The following SLIT2 variants were observed in gnomAD, a reference collection of about 807,000 sequenced individuals.
SLIT2 encodes slit guidance ligand 2, also known as slit homolog 2 protein.
In SLIT2, 41 loss-of-function variants were observed where a neutral mutation model predicts 185.7. That is an observed-to-expected ratio of 0.22 (90% CI 0.17 to 0.29). The LOEUF (loss-of-function observed/expected upper bound fraction) is 0.29, where lower values mean the gene tolerates loss of function less well. SLIT2 is among the 10% of genes least tolerant of loss of function. SLIT2 has a pLI of 1.00. For synonymous variants in SLIT2, 693 were observed against 680.2 expected (o/e 1.02, Z -0.29); for missense variants, 1,571 against 1,909.0 (o/e 0.82, Z 3.30).
intron 4 of SLIT2, among the ~76,000 whole-genome samples, chr4:20,293,049 C>T (rs1268717335): frequency 2.0e-5 from 3 of 152,020 alleles, no homozygotes; most frequent in African/African-American, 7.2e-5. Context: ...AAAAAAAAGT[C>T]TGTATAGAAA....
At position 20,472,591 on chromosome 4, in the gene SLIT2, T is replaced by TATATCTAG. The variant is rs1560455431; in HGVS notation, c.467+4772_467+4773insCTAGATAT. 6.7e-4 allele frequency among the ~76,000 whole-genome samples: 10 copies of TATATCTAG among 14,982 alleles called. 3 individuals are homozygous for TATATCTAG. The highest frequency in any genetic ancestry group is 9.0e-4 in the African/African-American group (2 of 2,230). 9.8% of individuals were successfully genotyped at this position (14,982 alleles called of 152,430 possible). ...ATATATAGATATATCTATATATAGA[T>TATATCTAG]ATATATCTATAGATATATCTATATA... On this transcript the variant is annotated intron_variant, in intron 5 of 36. Coordinates refer to ENST00000504154, the MANE Select transcript of SLIT2 (RefSeq NM_004787.4).
chr4:20,595,642 G>T lies in SLIT2; in HGVS notation c.3183-55G>T. 3 of 1,602,634 alleles carry T rather than the reference G, an allele frequency of 1.9e-6. No homozygotes were observed. In the South Asian group the frequency reaches 3.3e-5, roughly 18 times the overall value. ...CCATTGTGTCTAGATAAAATGCATT[G>T]TTTACTTATTTTGGCTCAGTTGGGT... On this transcript the variant is annotated intron_variant, in intron 30 of 36. Coordinates refer to ENST00000504154, the MANE Select transcript of SLIT2 (RefSeq NM_004787.4).
intron 29 of SLIT2, among the ~76,000 whole-genome samples, chr4:20,572,977 A>C (rs1416475978): frequency 2.0e-5 from 3 of 152,188 alleles, no homozygotes; most frequent in African/African-American, 7.2e-5. Flanking sequence ...TCCATCTTAA[A>C]CAGTAAAACT....
chr4:20,538,635 A>G lies in SLIT2; in HGVS notation c.1833-806A>G, dbSNP rs565080753. Among the ~76,000 whole-genome samples, 110 of 152,252 alleles carry G rather than the reference A, an allele frequency of 7.2e-4. 1 individual carries two copies. The highest frequency in any genetic ancestry group is 2.3e-3 in the African/African-American group (97 of 41,540). On this transcript the variant is annotated intron_variant, in intron 18 of 36. Coordinates refer to ENST00000504154, the MANE Select transcript of SLIT2 (RefSeq NM_004787.4). Reference sequence around the variant, plus strand: ...ATTTATGGCAACTATTCATATACTCATAACTATTTTCACATGGGACTTTGA... The same window carrying G: ...ATTTATGGCAACTATTCATATACTCGTAACTATTTTCACATGGGACTTTGA...
chr4:20,269,793 T>C (rs1254204744), intron 4 of SLIT2, among the ~76,000 whole-genome samples: 1 of 151,914 alleles, frequency 6.6e-6, no homozygotes, highest in Non-Finnish European at 1.5e-5. Context: ...AACTTGTCTT[T>C]GTAGCCTACT....
At chr4:20,309,758 C>CTTTTTTTT (rs1553876753) in intron 4 of SLIT2, among the ~76,000 whole-genome samples, 1 of 27,954 alleles carries the variant, frequency 3.6e-5, no homozygotes, top group Non-Finnish European at 6.2e-5. Flanking sequence ...GTCTTTCTTT[C>CTTTTTTTT]TTTTTTTTTT....
At position 20,598,248 on chromosome 4, in the gene SLIT2, G is replaced by GGGTTAC; in HGVS notation, c.3562-16_3562-11dup. The GGGTTAC allele has an allele frequency of 1.2e-6, 2 of 1,613,206 alleles. No individual in the cohort carries two copies. Among genetic ancestry groups the GGGTTAC allele is most frequent in the Non-Finnish European group, 8.5e-7 (1 of 1,179,432 alleles). On this transcript the variant is annotated splice_polypyrimidine_tract_variant and intron_variant, in intron 32 of 36. Transcript: ENST00000504154. ...TTGCGTACACATCCTAGTAATGCCA[G>GGGTTAC]GGTTACTTTCTACTAGATTGCCACA...
At chr4:20,379,509 T>C (rs1724319482) in intron 4 of SLIT2, among the ~76,000 whole-genome samples, 1 of 152,148 alleles carries the variant, frequency 6.6e-6, no homozygotes, top group Non-Finnish European at 1.5e-5. Context: ...TCAATTTCTT[T>C]GGTAGCAATT....
intron 4 of SLIT2, among the ~76,000 whole-genome samples, chr4:20,273,309 T>C (rs1361927163): frequency 6.6e-6 from 1 of 152,118 alleles, no homozygotes; most frequent in Non-Finnish European, 1.5e-5. Context: ...ACTACGCAGA[T>C]ATAGCCATTA....
At position 20,269,473 on chromosome 4, in the gene SLIT2, A is replaced by G. The variant is rs188621619; in HGVS notation, c.395+592A>G. On this transcript the variant is annotated intron_variant, in intron 4 of 36. Transcript: ENST00000504154. ...GGAAGTAATTCCTTAAAGGAGCATAATGTGAGTATTAGGGGGAATCACTTT... is the reference window on the plus strand; with the variant it reads ...GGAAGTAATTCCTTAAAGGAGCATAGTGTGAGTATTAGGGGGAATCACTTT... Among the ~76,000 whole-genome samples the G allele has an allele frequency of 1.6e-4, 24 of 152,034 alleles. No homozygotes were observed. In the East Asian group the frequency reaches 4.1e-3, roughly 26 times the overall value.
chr4:20,304,045 C>T (rs988739077), intron 4 of SLIT2, among the ~76,000 whole-genome samples: 5 of 151,992 alleles, frequency 3.3e-5, no homozygotes, highest in Admixed American at 6.6e-5. Flanking sequence ...ACATAATTAC[C>T]ATTTTGAGGG....
At chr4:20,409,170 G>T (rs556556595) in intron 4 of SLIT2, among the ~76,000 whole-genome samples, 1 of 152,080 alleles carries the variant, frequency 6.6e-6, no homozygotes, top group African/African-American at 2.4e-5. Flanking sequence ...CCATCATCTA[G>T]ATATTAAGCC....
chr4:20,321,015 A>G (rs1021211468), intron 4 of SLIT2, among the ~76,000 whole-genome samples: 1 of 152,076 alleles, frequency 6.6e-6, no homozygotes. Flanking sequence ...AATTAGCCAG[A>G]TGTGGTGGTG....
intron 25 of SLIT2, 131 bp downstream of exon 25, chr4:20,551,029 G>A (rs933864116): frequency 3.9e-6 from 2 of 517,910 alleles, no homozygotes; most frequent in African/African-American, 3.9e-5. Flanking sequence ...AAGAAAATGT[G>A]AAGATTTTCA....
intron 26 of SLIT2, among the ~76,000 whole-genome samples, chr4:20,555,060 C>A (rs1000669237): frequency 1.3e-5 from 2 of 151,662 alleles, no homozygotes; most frequent in African/African-American, 4.9e-5. Context: ...TGAGCCACCA[C>A]GCCTGGCCAG....
At position 20,598,359 on chromosome 4, in the gene SLIT2, A is replaced by G. The variant is rs1165889443; in HGVS notation, c.3656A>G (p.Tyr1219Cys). The G allele has an allele frequency of 4.3e-6, 7 of 1,614,002 alleles. No homozygotes were observed. Among genetic ancestry groups the G allele is most frequent in the Non-Finnish European group, 4.2e-6 (5 of 1,180,006 alleles). ...TATCGGGGGCGTGTTCGTGCCAGCT[A>G]TGACACCGGCTCTCATCCAGCTTCT... Reference protein sequence around the residue: ...ELYRGRVRASYDTGSHPASAI... With the variant: ...ELYRGRVRASCDTGSHPASAI... Residue 1219 changes from tyrosine (Y) to cysteine (C), a missense_variant, in exon 33 of 37, where the codon TAT becomes TGT. This residue lies in a region of SLIT2 where 146 missense variants were observed against 247.4 expected (regional missense o/e 0.59). Coordinates refer to ENST00000504154, the MANE Select transcript of SLIT2 (RefSeq NM_004787.4).
intron 4 of SLIT2, among the ~76,000 whole-genome samples, chr4:20,428,163 A>G (rs989927399): frequency 3.3e-5 from 5 of 152,230 alleles, no homozygotes; most frequent in African/African-American, 1.2e-4. Flanking sequence ...TTCAAATTTT[A>G]GTATGTGTTT....
rs1352810836 is a variant in SLIT2, at chr4:20,451,922, T to C, written c.396-15830T>C. ...ATTATTAAAAGAGATTCAGTGTAAG[T>C]ATGATGAGTTAAAATACCCATTGAC... On this transcript the variant is annotated intron_variant, in intron 4 of 36. Coordinates refer to ENST00000504154, the MANE Select transcript of SLIT2 (RefSeq NM_004787.4). Among the ~76,000 whole-genome samples, 3 of 152,184 alleles carry C rather than the reference T, an allele frequency of 2.0e-5. 1 individual carries two copies. In the East Asian group the frequency reaches 5.8e-4, roughly 29 times the overall value.
chr4:20,594,281 G>A (rs1727789987), intron 30 of SLIT2, among the ~76,000 whole-genome samples: 1 of 150,342 alleles, frequency 6.7e-6, no homozygotes. Context: ...ATGTGTGTAT[G>A]TATATGTGTG....
Sources: gnomAD v4.1 joint callset for allele counts (sites outside exome capture counted in the v4.1 genomes callset) on GRCh38, gnomAD v4.1.1 for gene constraint, gnomAD v4.1.1 regional missense constraint, MANE v1.5 for transcripts, NCBI Gene and HGNC (gene_info 2026-07-23, HGNC 2026-07-21) for gene names.